ZNF385D: variants seen among roughly 807,000 people sequenced by gnomAD.
ZNF385D encodes zinc finger protein 385D, also known as zinc finger protein 659.
Under a neutral mutation model 35.8 loss-of-function variants are expected in ZNF385D, and 15 were observed. That is an observed-to-expected ratio of 0.42 (90% CI 0.28 to 0.64). The LOEUF (loss-of-function observed/expected upper bound fraction) is 0.64. Among genes scored for constraint, ZNF385D ranks in the 30% least tolerant of loss-of-function variants. The probability of loss-of-function intolerance (pLI) is 0.23; values close to 1 mark genes in which losing one functional copy is unlikely to be tolerated. For missense variants in ZNF385D, 474 were observed against 494.6 expected, an observed-to-expected ratio of 0.96 and a Z score of 0.39; for synonymous variants, 212 against 186.8, an observed-to-expected ratio of 1.13 and a Z score of -1.10.
chr3:21,604,041 T>C (rs187674486), intron 2 of ZNF385D, among the ~76,000 whole-genome samples: 50 of 152,298 alleles, frequency 3.3e-4, no homozygotes, highest in Non-Finnish European at 5.4e-4. Context: ...GCAAGCGAGA[T>C]TGCCGAGTAA....
At chr3:22,258,737 T>A (rs1470981869) in intron 2 of ZNF385D, among the ~76,000 whole-genome samples, 1 of 151,800 alleles carries the variant, frequency 6.6e-6, no homozygotes, top group Non-Finnish European at 1.5e-5. Context: ...AATTGTTAAA[T>A]ATTTATTTAA....
At chr3:21,562,047 T>C (rs2062968346) in intron 3 of ZNF385D, 1 of 107,436 alleles carries the variant, frequency 9.3e-6, no homozygotes, top group African/African-American at 4.7e-5. Context: ...GATTAGTCCA[T>C]ATCTCCAAAT....
chr3:21,928,921 C>T (rs986840259), intron 3 of ZNF385D, among the ~76,000 whole-genome samples: 2 of 152,080 alleles, frequency 1.3e-5, no homozygotes, highest in African/African-American at 2.4e-5. Flanking sequence ...AATACCAATC[C>T]TATGCAAACT....
chr3:21,492,909 G>A (rs1705544346), intron 4 of ZNF385D, among the ~76,000 whole-genome samples: 1 of 151,662 alleles, frequency 6.6e-6, no homozygotes, highest in Non-Finnish European at 1.5e-5. Flanking sequence ...TTGAATAAAG[G>A]GAATAATAGT....
intron 3 of ZNF385D, among the ~76,000 whole-genome samples, chr3:21,863,020 A>G (rs1331485530): frequency 1.3e-5 from 2 of 152,146 alleles, no homozygotes; most frequent in Non-Finnish European, 2.9e-5. Flanking sequence ...ATGTGAAAAT[A>G]TATGCAAATA....
intron 2 of ZNF385D, among the ~76,000 whole-genome samples, chr3:22,302,868 T>C (rs1702982057): frequency 6.6e-6 from 1 of 152,166 alleles, no homozygotes; most frequent in African/African-American, 2.4e-5. Flanking sequence ...CATTTTTGTT[T>C]TATTTCTCTA....
chr3:22,277,489 A>G (rs781733248), intron 2 of ZNF385D, among the ~76,000 whole-genome samples: 3 of 152,154 alleles, frequency 2.0e-5, no homozygotes, highest in Non-Finnish European at 4.4e-5. Flanking sequence ...AGAAGAAAAA[A>G]GTACCAAAAG....
intron 1 of ZNF385D, among the ~76,000 whole-genome samples, chr3:21,683,602 G>A (rs1233937629): frequency 6.7e-6 from 1 of 149,350 alleles, no homozygotes; most frequent in Non-Finnish European, 1.5e-5. Context: ...GGGTGAGAGA[G>A]TGAGACTCCA....
intron 2 of ZNF385D, among the ~76,000 whole-genome samples, chr3:22,243,609 T>A (rs1052179058): frequency 2.6e-5 from 4 of 150,962 alleles, no homozygotes; most frequent in African/African-American, 9.8e-5. Context: ...ATGCCATGAA[T>A]CAGGACCAGG....
intron 3 of ZNF385D, among the ~76,000 whole-genome samples, chr3:22,048,927 T>A (rs1699175975): frequency 6.6e-6 from 1 of 152,192 alleles, no homozygotes; most frequent in Non-Finnish European, 1.5e-5. Context: ...CTTTCATTCA[T>A]GTTTTATAAT....
chr3:22,050,956 G>C (rs1292277533), intron 3 of ZNF385D, among the ~76,000 whole-genome samples: 1 of 26,460 alleles, frequency 3.8e-5, no homozygotes, highest in South Asian at 2.0e-3. Context: ...GTGTGGTGCT[G>C]AAAAAAATGT....
intron 2 of ZNF385D, among the ~76,000 whole-genome samples, chr3:22,257,754 T>A (rs2125338440): frequency 6.6e-6 from 1 of 151,882 alleles, no homozygotes. Context: ...CAAATGCAAA[T>A]AAGTAGGGTA....
At chr3:22,169,328 T>C (rs966915126) in intron 2 of ZNF385D, among the ~76,000 whole-genome samples, 3 of 152,204 alleles carry the variant, frequency 2.0e-5, no homozygotes, top group Non-Finnish European at 2.9e-5. Flanking sequence ...CCCTTTTTTA[T>C]AGCTGAGGAA....
At chr3:21,992,472 A>G (rs1214169992) in intron 3 of ZNF385D, among the ~76,000 whole-genome samples, 1 of 152,180 alleles carries the variant, frequency 6.6e-6, no homozygotes, top group Non-Finnish European at 1.5e-5. Flanking sequence ...CATCACAGCT[A>G]TCATGTATTC....
chr3:22,300,226 T>C (rs1001320099), intron 2 of ZNF385D, among the ~76,000 whole-genome samples: 2 of 152,014 alleles, frequency 1.3e-5, no homozygotes, highest in African/African-American at 4.8e-5. Context: ...CATCAATAAA[T>C]GTTGTTGAGA....
intron 3 of ZNF385D, among the ~76,000 whole-genome samples, chr3:22,028,739 G>C (rs1426439125): frequency 6.6e-6 from 1 of 152,204 alleles, no homozygotes; most frequent in Admixed American, 6.5e-5. Flanking sequence ...GGCTAAAGAA[G>C]TGTGGCAGTG....
intron 2 of ZNF385D, among the ~76,000 whole-genome samples, chr3:22,220,939 T>C (rs1698215568): frequency 1.3e-5 from 2 of 152,218 alleles, no homozygotes. Flanking sequence ...TTTTTAAACT[T>C]TCCCTTGGAA....
At chr3:21,518,679 G>A (rs1707729137) in intron 3 of ZNF385D, among the ~76,000 whole-genome samples, 1 of 151,912 alleles carries the variant, frequency 6.6e-6, no homozygotes, top group Admixed American at 6.6e-5. Flanking sequence ...TTTTTATTGA[G>A]AAAATTACCT....
At chr3:22,122,400 T>A (rs1017926763) in intron 3 of ZNF385D, among the ~76,000 whole-genome samples, 3 of 152,100 alleles carry the variant, frequency 2.0e-5, no homozygotes, top group African/African-American at 7.2e-5. Flanking sequence ...CCAATAATAG[T>A]ATTTTCTCAA....
Sources: gnomAD v4.1 joint callset for allele counts (sites outside exome capture counted in the v4.1 genomes callset) on GRCh38, gnomAD v4.1.1 for gene constraint, MANE v1.5 for transcripts, NCBI Gene and HGNC (gene_info 2026-07-23, HGNC 2026-07-21) for gene names.